PRAG1: variants seen among roughly 807,000 people sequenced by gnomAD.
PRAG1 encodes the protein inactive tyrosine-protein kinase PRAG1.
A neutral mutation model predicts 95.6 loss-of-function variants in PRAG1; 110 were observed. That is an observed-to-expected ratio of 1.15 (90% CI 0.99 to 1.35). PRAG1 has a LOEUF of 1.35. PRAG1 is among the 40% of genes most tolerant of loss of function. The probability of loss-of-function intolerance (pLI) is 0.00; values close to 1 mark genes in which losing one functional copy is unlikely to be tolerated. For synonymous variants in PRAG1, 1,052 were observed against 819.4 expected (o/e 1.28, Z -4.85); for missense variants, 2,554 against 1,864.7 (o/e 1.37, Z -6.81).
chr8:8,373,755 T>C (rs1255844919), intron 3 of PRAG1, among the ~76,000 whole-genome samples: 1 of 152,212 alleles, frequency 6.6e-6, no homozygotes, highest in Non-Finnish European at 1.5e-5. Flanking sequence ...GTCCGGCCCT[T>C]CTTTTTAATT....
At position 8,377,055 on chromosome 8, in the gene PRAG1, C is replaced by A; in HGVS notation, c.1354G>T (p.Ala452Ser). ...QGQVCTGNAW[A>S]QKAASGWGRD... is the part of the protein sequence containing the mutation. ...CCCCAGCCAGATGCTGCTTTCTGGG[C>A]CCAGGCATTACCTGTGCATACCTGG... Residue 452 changes from alanine (A) to serine (S), a missense_variant, in exon 3 of 6, where the codon GCC becomes TCC. Physicochemically the swap from Ala to Ser is moderately conservative, Grantham distance 99 (BLOSUM62 1). Transcript: ENST00000615670. 1 of 1,613,986 alleles carries A rather than the reference C, an allele frequency of 6.2e-7. No homozygotes were observed. Among genetic ancestry groups the A allele is most frequent in the Non-Finnish European group, 8.5e-7 (1 of 1,180,026 alleles).
At chr8:8,376,155 C>A in intron 3 of PRAG1, 92 bp downstream of exon 3, 1 of 1,503,254 alleles carries the variant, frequency 6.7e-7, no homozygotes, top group Non-Finnish European at 8.9e-7. Context: ...GATTCTGGGA[C>A]CTGGGCCTGA....
intron 2 of PRAG1, among the ~76,000 whole-genome samples, chr8:8,379,896 A>G (rs1345565956): frequency 1.3e-5 from 2 of 152,200 alleles, no homozygotes; most frequent in East Asian, 3.8e-4. Context: ...AAAATTGGAA[A>G]CAGGAGTACT....
rs375576575 is a variant in PRAG1, at chr8:8,376,846, C to T, written c.1563G>A (p.Gln521=). 5.0e-6 allele frequency: 8 copies of T among 1,612,974 alleles called. No homozygotes were observed. The highest frequency in any genetic ancestry group is 4.5e-5 in the East Asian group (2 of 44,874). The change falls in exon 3 of 6, where the codon CAG becomes CAA. Residue 521 remains glutamine (Q), a synonymous_variant. Transcript: ENST00000615670. The part of the protein sequence containing the change: ...EVGEEETSAG[Q]GLSSRESHAH... ...CATGGCTTTCCCTGGAGCTCAGCCC[C>T]TGCCCAGCCGAAGTCTCCTCTTCAC...
intron 3 of PRAG1, among the ~76,000 whole-genome samples, chr8:8,357,293 G>A (rs569384453): frequency 4.1e-4 from 63 of 152,156 alleles, no homozygotes; most frequent in Admixed American, 1.7e-3. Context: ...TCTGATAAGC[G>A]GTTAATATCC....
intron 3 of PRAG1, among the ~76,000 whole-genome samples, chr8:8,346,424 T>A (rs920849296): frequency 5.3e-5 from 8 of 152,196 alleles, no homozygotes; most frequent in African/African-American, 7.2e-5. Context: ...GCAGGCAGGG[T>A]GAAAGGTACA....
At position 8,328,260 on chromosome 8, in the gene PRAG1, C is replaced by A; in HGVS notation, c.2522G>T (p.Gly841Val). Reference protein sequence around the residue: ...FFWTQGSPKPGTASPKLNLSH... With the variant: ...FFWTQGSPKPVTASPKLNLSH... ...TAGGTTCAGCTTGGGGCTTGCTGTT[C>A]CGGGCTTGGGGGAGCCTTGGGTCCA... is the stretch of plus-strand genomic sequence containing the variant. The change falls in exon 5 of 6, where the codon GGA (glycine) becomes GTA (valine). Residue 841 changes from glycine (G) to valine (V), a missense_variant. Transcript: ENST00000615670. The A allele has an allele frequency of 1.2e-6, 2 of 1,614,126 alleles. No individual in the cohort carries two copies. The highest frequency in any genetic ancestry group is 1.1e-5 in the South Asian group (1 of 91,082).
chr8:8,351,888 G>T lies in PRAG1; in HGVS notation c.2163-12253C>A, dbSNP rs544373485. 7.9e-5 allele frequency among the ~76,000 whole-genome samples: 12 copies of T among 152,158 alleles called. No individual in the cohort carries two copies. In the East Asian group the frequency reaches 2.3e-3, roughly 29 times the overall value. ...CAGCACACATCTACCTCTGGTGTTT[G>T]GTTAAACAAAAACACTAGTGAGTTG... On this transcript the variant is annotated intron_variant, in intron 3 of 5. Coordinates refer to ENST00000615670, the MANE Select transcript of PRAG1 (RefSeq NM_001080826.3).
intron 3 of PRAG1, among the ~76,000 whole-genome samples, chr8:8,357,274 A>G (rs746808133): frequency 6.6e-6 from 1 of 152,226 alleles, no homozygotes; most frequent in Non-Finnish European, 1.5e-5. Context: ...ATATATTTCA[A>G]ATCCTACATC....
intron 1 of PRAG1, among the ~76,000 whole-genome samples, chr8:8,385,071 C>G (rs551025625): frequency 1.3e-5 from 2 of 152,282 alleles, no homozygotes; most frequent in Admixed American, 1.3e-4. Context: ...CAAAATACCC[C>G]CTCAGACTTA....
intron 3 of PRAG1, among the ~76,000 whole-genome samples, chr8:8,371,621 A>T (rs776284694): frequency 6.6e-6 from 1 of 152,066 alleles, no homozygotes. Flanking sequence ...TGCAATCCCA[A>T]CACTTTGGGA....
intron 5 of PRAG1, among the ~76,000 whole-genome samples, chr8:8,320,727 G>A (rs1182913403): frequency 6.6e-6 from 1 of 152,176 alleles, no homozygotes; most frequent in Non-Finnish European, 1.5e-5. Context: ...CTGCCTTCAG[G>A]CTGCAGTGTT....
chr8:8,323,459 A>C (rs1798534653), intron 5 of PRAG1, among the ~76,000 whole-genome samples: 2 of 151,966 alleles, frequency 1.3e-5, no homozygotes, highest in South Asian at 4.1e-4. Flanking sequence ...CTGGGATTAC[A>C]GGTGCCTACC....
rs374641477 is a variant in PRAG1, at chr8:8,328,314, C to T, written c.2468G>A (p.Arg823Gln). Reference protein sequence around the residue: ...PPLPQKKIVSRAASSPDGFFW... With the variant: ...PPLPQKKIVSQAASSPDGFFW... ...GAAGCCATCCGGTGAAGAGGCTGCC[C>T]GGCTCACTATCTTTTTCTGGGGGAG... The change falls in exon 5 of 6, where the codon CGG becomes CAG. Residue 823 changes from arginine to glutamine, a missense_variant. By Grantham distance (43) the Arg-to-Gln change is conservative. Transcript: ENST00000615670. The T allele has an allele frequency of 1.5e-5, 25 of 1,613,570 alleles. No homozygotes were observed. The highest frequency in any genetic ancestry group is 6.6e-5 in the South Asian group (6 of 91,062).
At chr8:8,366,977 C>T (rs35038563) in intron 3 of PRAG1, among the ~76,000 whole-genome samples, 45,471 of 151,964 alleles carry the variant, frequency 0.3, 7,437 homozygotes, top group East Asian at 0.63. Flanking sequence ...CCAGCTACAT[C>T]ATGCATTTTA....
chr8:8,349,439 C>A (rs1033631412), intron 3 of PRAG1, among the ~76,000 whole-genome samples: 18 of 152,098 alleles, frequency 1.2e-4, no homozygotes, highest in Non-Finnish European at 2.6e-4. Context: ...CGCCACCTCG[C>A]CAGGCTAATT....
Position 8,376,514 on chromosome 8 carries a change from G to C in PRAG1, c.1895C>G (p.Thr632Ser). Residue 632 changes from threonine (T) to serine (S), a missense_variant, in exon 3 of 6, where the codon ACC (threonine) becomes AGC (serine). By Grantham distance (58) the Thr-to-Ser change is moderately conservative. Transcript: ENST00000615670. ...CTCTATCCGGCACTGACGACTCCAG[G>C]TGCCTGCCTGGAACCTGGGCCGCCT... is the stretch of plus-strand genomic sequence containing the variant. Reference protein sequence around the residue: ...EQRRPRFQAGTWSRQCRIEEE... With the variant: ...EQRRPRFQAGSWSRQCRIEEE... 2.5e-6 allele frequency: 4 copies of C among 1,610,378 alleles called. No homozygotes were observed. Among genetic ancestry groups the C allele is most frequent in the Non-Finnish European group, 3.4e-6 (4 of 1,177,514 alleles).
chr8:8,332,661 G>A (rs1423626723), intron 4 of PRAG1, among the ~76,000 whole-genome samples: 2 of 91,628 alleles, frequency 2.2e-5, no homozygotes, highest in African/African-American at 8.7e-5. Flanking sequence ...CCAGGCCTCC[G>A]AGGATCCTAT....
chr8:8,336,872 T>G (rs1184186891), intron 4 of PRAG1, among the ~76,000 whole-genome samples: 28 of 145,382 alleles, frequency 1.9e-4, no homozygotes, highest in African/African-American at 7.4e-4. Flanking sequence ...CTTATACAAC[T>G]AAAACCTTCC....
Sources: gnomAD v4.1 joint callset for allele counts (sites outside exome capture counted in the v4.1 genomes callset) on GRCh38, gnomAD v4.1.1 for gene constraint, MANE v1.5 for transcripts, NCBI Gene and HGNC (gene_info 2026-07-23, HGNC 2026-07-21) for gene names.